PIP4P2: variants seen among roughly 807,000 people sequenced by gnomAD.
PIP4P2 encodes the protein phosphatidylinositol-4,5-bisphosphate 4-phosphatase 2.
In PIP4P2, 19 loss-of-function variants were observed where a neutral mutation model predicts 33.3. The observed-to-expected ratio is 0.57, with a 90% CI of 0.40 to 0.84. The LOEUF (loss-of-function observed/expected upper bound fraction) is 0.84. PIP4P2 is among the 40% of genes least tolerant of loss of function. PIP4P2 has a pLI of 0.00. For synonymous variants in PIP4P2, 110 were observed against 111.9 expected, an observed-to-expected ratio of 0.98 and a Z score of 0.11; for missense variants, 270 against 324.7, an observed-to-expected ratio of 0.83 and a Z score of 1.29.
At chr8:91,030,213 C>CA (rs35093838) in intron 1 of PIP4P2, among the ~76,000 whole-genome samples, 179 of 114,770 alleles carry the variant, frequency 1.6e-3, no homozygotes, top group East Asian at 8.1e-3. Context: ...GACTCCATCT[C>CA]AAAAAAAAAA....
intron 1 of PIP4P2, 164 bp from the exon 2 acceptor site, chr8:91,021,568 CCATGAGA>C (rs1375557845): frequency 4.2e-6 from 3 of 716,292 alleles, no homozygotes; most frequent in Non-Finnish European, 6.6e-6. Context: ...GCACAAACAT[CCATGAGA>C]CTCTTATCAA....
At chr8:91,012,873 C>T (rs965836210) in intron 4 of PIP4P2, among the ~76,000 whole-genome samples, 2 of 152,162 alleles carry the variant, frequency 1.3e-5, no homozygotes, top group Admixed American at 1.3e-4. Context: ...ATGGCACATA[C>T]ATATCTACCT....
Position 90,995,254 on chromosome 8 carries a change from G to A in PIP4P2, c.*423C>T, listed in dbSNP as rs1019782467. On this transcript the variant is annotated 3_prime_UTR_variant, in exon 7 of 7. Coordinates refer to ENST00000285419, the MANE Select transcript of PIP4P2 (RefSeq NM_018710.3). Reference sequence around the variant, plus strand: ...TTCAAGCAAAATGCATATTGCTTAGGTTTTAAGCAAGCAATTTTGATACTG... The same window carrying A: ...TTCAAGCAAAATGCATATTGCTTAGATTTTAAGCAAGCAATTTTGATACTG... 1.3e-5 allele frequency: 2 copies of A among 152,086 alleles called. No homozygotes were observed. The highest frequency in any genetic ancestry group is 6.6e-5 in the Admixed American group (1 of 15,234). The allele number at this position is 152,086 out of a possible 1,614,324, so 9.4% of individuals were successfully genotyped here.
At chr8:91,032,841 G>T (rs576749355) in intron 1 of PIP4P2, among the ~76,000 whole-genome samples, 2 of 151,614 alleles carry the variant, frequency 1.3e-5, no homozygotes, top group Non-Finnish European at 2.9e-5. Flanking sequence ...GTGTATTCAG[G>T]GTTACCTGCT....
chr8:91,017,725 T>C (rs1811937287), intron 4 of PIP4P2, among the ~76,000 whole-genome samples: 2 of 152,302 alleles, frequency 1.3e-5, no homozygotes, highest in South Asian at 4.1e-4. Context: ...AAGAAAATGT[T>C]TGTCTCCTAT....
At chr8:91,017,745 AC>A (rs1811937672) in intron 4 of PIP4P2, among the ~76,000 whole-genome samples, 2 of 152,204 alleles carry the variant, frequency 1.3e-5, no homozygotes, top group Non-Finnish European at 2.9e-5. Context: ...TATGGGCTGA[AC>A]AATAAAAGAA....
At chr8:91,004,086 G>C (rs541800872) in intron 5 of PIP4P2, among the ~76,000 whole-genome samples, 74 of 152,208 alleles carry the variant, frequency 4.9e-4, no homozygotes, top group African/African-American at 1.6e-3. Context: ...TTGCAACAGG[G>C]GATCTGTAAG....
chr8:91,011,393 G>A (rs917113520), intron 4 of PIP4P2, among the ~76,000 whole-genome samples: 5 of 152,030 alleles, frequency 3.3e-5, no homozygotes, highest in Non-Finnish European at 5.9e-5. Flanking sequence ...CATTTATGGA[G>A]AACTAGCTAA....
At chr8:91,031,993 A>G (rs1812170283) in intron 1 of PIP4P2, among the ~76,000 whole-genome samples, 2 of 152,216 alleles carry the variant, frequency 1.3e-5, no homozygotes, top group South Asian at 4.1e-4. Context: ...CATAAAATAT[A>G]AAAGCCAAAG....
rs145247675 is a variant in PIP4P2, at chr8:91,021,256, C to T, written c.255G>A (p.Thr85=). ...TTTTCTAATGGAAATCTCCACTTAC[C>T]GTAGCTTCATTGCAAACTGTGCACT... ...VVKCTVCNEA[T]PIKNPPTGKK... Residue 85 remains threonine (T), a splice_region_variant and synonymous_variant, in exon 2 of 7, where the codon ACG becomes ACA. Coordinates refer to ENST00000285419, the MANE Select transcript of PIP4P2 (RefSeq NM_018710.3). 2.4e-5 allele frequency: 39 copies of T among 1,613,146 alleles called. No individual in the cohort carries two copies. The African/African-American group carries it at 3.1e-4, about 13-fold the overall frequency.
rs371454407 is a variant in PIP4P2, at chr8:90,995,671, A to G, written c.*6T>C. On this transcript the variant is annotated 3_prime_UTR_variant, in exon 7 of 7. Coordinates refer to ENST00000285419, the MANE Select transcript of PIP4P2 (RefSeq NM_018710.3). Reference sequence around the variant, plus strand: ...TCTCACCTGCATTACTGAATCATAAACAAGCTTATGCAAAACTGTGTTCTG... The same window carrying G: ...TCTCACCTGCATTACTGAATCATAAGCAAGCTTATGCAAAACTGTGTTCTG... 1.9e-6 allele frequency: 3 copies of G among 1,606,956 alleles called. No homozygotes were observed. The African/African-American group carries it at 4.0e-5, about 22-fold the overall frequency.
At chr8:91,021,184 T>C in intron 2 of PIP4P2, 72 bp downstream of exon 2, 12 of 1,545,722 alleles carry the variant, frequency 7.8e-6, no homozygotes, top group South Asian at 1.2e-5. Context: ...AGTAACATTA[T>C]TGAAGTACTT....
At chr8:91,013,780 C>T (rs941850521) in intron 4 of PIP4P2, among the ~76,000 whole-genome samples, 3 of 152,106 alleles carry the variant, frequency 2.0e-5, no homozygotes, top group Non-Finnish European at 2.9e-5. Flanking sequence ...GTGAGCCTCC[C>T]ATGTTGGTCT....
At chr8:91,024,017 G>A (rs1057197710) in intron 1 of PIP4P2, among the ~76,000 whole-genome samples, 1 of 151,984 alleles carries the variant, frequency 6.6e-6, no homozygotes, top group African/African-American at 2.4e-5. Context: ...GCAGCTTGAT[G>A]GAAAACAAGG....
At chr8:91,039,638 AAAAG>A (rs1056194899) in intron 1 of PIP4P2, among the ~76,000 whole-genome samples, 8 of 152,330 alleles carry the variant, frequency 5.3e-5, no homozygotes, top group African/African-American at 1.9e-4. Context: ...TTTAGCCAAA[AAAAG>A]AGAGAGATGC....
rs117355085 is a variant in PIP4P2, at chr8:90,999,800, A to G, written c.540-3056T>C. Among the ~76,000 whole-genome samples the G allele has an allele frequency of 2.7e-4, 41 of 152,064 alleles. No homozygotes were observed. In the East Asian group the frequency reaches 7.0e-3, roughly 26 times the overall value. On this transcript the variant is annotated intron_variant, in intron 5 of 6. Transcript: ENST00000285419. ...TTTTCTATCCTTATACATTCATTCT[A>G]TGTTCTAATATTCATGTGTTCCTTC... is the stretch of plus-strand genomic sequence containing the variant.
At position 91,008,722 on chromosome 8, in the gene PIP4P2, T is replaced by C. The variant is rs1352647986; in HGVS notation, c.539+21A>G. 4 of 1,606,134 alleles carry C rather than the reference T, an allele frequency of 2.5e-6. No individual in the cohort carries two copies. In the East Asian group the frequency reaches 8.9e-5, roughly 36 times the overall value. On this transcript the variant is annotated intron_variant, in intron 5 of 6. Coordinates refer to ENST00000285419, the MANE Select transcript of PIP4P2 (RefSeq NM_018710.3). ...TGTCTCAAGTATTTCTCAATAATAT[T>C]TCCAATGGTAGGGAACTTACATTTT...
At chr8:91,023,376 G>C (rs1812038886) in intron 1 of PIP4P2, among the ~76,000 whole-genome samples, 1 of 128,210 alleles carries the variant, frequency 7.8e-6, no homozygotes, top group African/African-American at 2.5e-5. Flanking sequence ...GGGCATTAGG[G>C]GGAGAGGAGG....
intron 4 of PIP4P2, among the ~76,000 whole-genome samples, chr8:91,012,075 A>G (rs912962054): frequency 2.6e-5 from 4 of 151,934 alleles, no homozygotes; most frequent in African/African-American, 9.7e-5. Context: ...TGATCTTTCC[A>G]ATAAAATATC....
Sources: allele counts gnomAD v4.1 joint callset (sites outside exome capture counted in the v4.1 genomes callset), GRCh38; gene constraint gnomAD v4.1.1; transcripts MANE v1.5; gene names NCBI Gene and HGNC (gene_info 2026-07-23, HGNC 2026-07-21).